Variants in WDR70 observed in about 807,000 individuals in gnomAD.
WDR70 encodes WD repeat-containing protein 70.
WDR70 carries 53 observed loss-of-function variants against 88.6 expected under a neutral mutation model. The observed-to-expected ratio is 0.60, with a 90% CI of 0.48 to 0.75. The LOEUF is 0.75. WDR70 is among the 30% of genes least tolerant of loss of function. WDR70 has a pLI of 0.00. For missense variants in WDR70, 610 were observed against 823.2 expected (o/e 0.74, Z 3.17); for synonymous variants, 280 against 270.0 (o/e 1.04, Z -0.36).
At chr5:37,699,453 A>G (rs1388324998) in intron 11 of WDR70, among the ~76,000 whole-genome samples, 1 of 150,670 alleles carries the variant, frequency 6.6e-6, no homozygotes, top group Non-Finnish European at 1.5e-5. Flanking sequence ...TAATTGGTCA[A>G]TACCACATGT....
At chr5:37,719,620 C>T (rs1004344981) in intron 13 of WDR70, among the ~76,000 whole-genome samples, 1 of 152,076 alleles carries the variant, frequency 6.6e-6, no homozygotes, top group African/African-American at 2.4e-5. Context: ...CATTCCTCTT[C>T]AGTGGTACAT....
At chr5:37,402,944 G>GTGTTT in intron 5 of WDR70, among the ~76,000 whole-genome samples, 1 of 84,380 alleles carries the variant, frequency 1.2e-5, no homozygotes, top group Admixed American at 1.8e-4. Context: ...CCCTCCCTCC[G>GTGTTT]TTTTTTTTTT....
In WDR70 at chr5:37,702,821, A is replaced by G. The variant is rs937043965; in HGVS notation, c.1278-128A>G. 84 of 870,388 alleles carry G rather than the reference A, an allele frequency of 9.7e-5. No individual in the cohort carries two copies. In the East Asian group the frequency reaches 1.1e-3, roughly 11 times the overall value. The allele number at this position is 870,388 out of a possible 1,614,324, so 53.9% of individuals were successfully genotyped here. ...TATTGTGACGATTAAACAAATTAATATAAGTGCTTGACTCATAAGCCCTAT... is the reference window on the plus strand; with the variant it reads ...TATTGTGACGATTAAACAAATTAATGTAAGTGCTTGACTCATAAGCCCTAT... On this transcript the variant is annotated intron_variant, in intron 12 of 17. Transcript: ENST00000265107.
chr5:37,398,344 T>TCC (rs1484124761), intron 5 of WDR70, among the ~76,000 whole-genome samples: 1 of 151,328 alleles, frequency 6.6e-6, no homozygotes. Flanking sequence ...CGCCTCGGCC[T>TCC]CCCAAAGTGC....
chr5:37,709,857 T>C (rs1007565455), intron 13 of WDR70, among the ~76,000 whole-genome samples: 1 of 152,164 alleles, frequency 6.6e-6, no homozygotes, highest in African/African-American at 2.4e-5. Flanking sequence ...TAAATCTTTT[T>C]GGGGAATTTC....
At chr5:37,703,318 TGGG>T (rs1180212737) in intron 13 of WDR70, among the ~76,000 whole-genome samples, 1 of 152,184 alleles carries the variant, frequency 6.6e-6, no homozygotes, top group African/African-American at 2.4e-5. Flanking sequence ...GAATTTCAGC[TGGG>T]TTTCCCTCTC....
At chr5:37,527,663 A>G (rs1478868063) in intron 9 of WDR70, among the ~76,000 whole-genome samples, 1 of 152,244 alleles carries the variant, frequency 6.6e-6, no homozygotes, top group Non-Finnish European at 1.5e-5. Flanking sequence ...GCTTCTGCAC[A>G]GCAAAAGAAA....
intron 7 of WDR70, among the ~76,000 whole-genome samples, chr5:37,459,110 G>GCCGCATATCTACAACTATCTGA (rs1435352230): frequency 3.3e-4 from 20 of 60,678 alleles, no homozygotes; most frequent in South Asian, 6.8e-4. Context: ...GGAGCAGGTT[G>GCCGCATATCTACAACTATCTGA]TTCAGTTTCC....
At chr5:37,694,491 A>G (rs1004651365) in intron 10 of WDR70, among the ~76,000 whole-genome samples, 1 of 152,238 alleles carries the variant, frequency 6.6e-6, no homozygotes. Flanking sequence ...AATGTGGCAC[A>G]TATACACCAT....
chr5:37,380,500 G>A (rs1313214849), intron 2 of WDR70, among the ~76,000 whole-genome samples: 1 of 151,816 alleles, frequency 6.6e-6, no homozygotes, highest in Non-Finnish European at 1.5e-5. Flanking sequence ...CACCTCGCCC[G>A]GCTGATTTTT....
chr5:37,495,442 ATCTCTCTCTC>A (rs139533160), intron 8 of WDR70, among the ~76,000 whole-genome samples: 1 of 148,216 alleles, frequency 6.7e-6, no homozygotes, highest in African/African-American at 2.5e-5. Context: ...ATTATCAGCA[ATCTCTCTCTC>A]TCTCTCTCTC....
chr5:37,638,098 C>G (rs887192654), intron 10 of WDR70, among the ~76,000 whole-genome samples: 1 of 152,158 alleles, frequency 6.6e-6, no homozygotes, highest in African/African-American at 2.4e-5. Context: ...ATTATATAGC[C>G]TCTCCAGCAA....
At chr5:37,537,514 A>C (rs1741700267) in intron 9 of WDR70, among the ~76,000 whole-genome samples, 1 of 152,220 alleles carries the variant, frequency 6.6e-6, no homozygotes, top group Non-Finnish European at 1.5e-5. Flanking sequence ...TAGGAGGAGT[A>C]CATATATTAT....
intron 10 of WDR70, among the ~76,000 whole-genome samples, chr5:37,675,697 G>A (rs370930001): frequency 4.6e-5 from 7 of 152,230 alleles, no homozygotes; most frequent in East Asian, 3.9e-4. Flanking sequence ...TTTTGGCTTC[G>A]GATTGCCTTG....
intron 8 of WDR70, among the ~76,000 whole-genome samples, chr5:37,482,082 TA>T (rs1739688469): frequency 6.6e-6 from 1 of 152,200 alleles, no homozygotes; most frequent in Non-Finnish European, 1.5e-5. Context: ...TTATTGTCCA[TA>T]TCACTATTAA....
chr5:37,633,986 T>C (rs1744890158), intron 10 of WDR70, among the ~76,000 whole-genome samples: 1 of 151,852 alleles, frequency 6.6e-6, no homozygotes, highest in Admixed American at 6.6e-5. Flanking sequence ...TACAGGAGAG[T>C]ATTTTTCAAT....
At position 37,602,579 on chromosome 5, in the gene WDR70, T is replaced by C. The variant is rs1046711048; in HGVS notation, c.918-2485T>C. Reference sequence around the variant, plus strand: ...AGGCGGAGGCTGCAGTCAGTGGAGATTGTGCCACTACACTCCAGCTTGGGT... The same window carrying C: ...AGGCGGAGGCTGCAGTCAGTGGAGACTGTGCCACTACACTCCAGCTTGGGT... On this transcript the variant is annotated intron_variant, in intron 9 of 17. Coordinates refer to ENST00000265107, the MANE Select transcript of WDR70 (RefSeq NM_018034.4). 7.3e-5 allele frequency among the ~76,000 whole-genome samples: 11 copies of C among 151,126 alleles called. No homozygotes were observed. The South Asian group carries it at 8.3e-4, about 11-fold the overall frequency.
chr5:37,432,276 T>C (rs1581273501), intron 5 of WDR70, among the ~76,000 whole-genome samples: 2 of 151,786 alleles, frequency 1.3e-5, no homozygotes, highest in South Asian at 4.1e-4. Context: ...TGATATTTCA[T>C]TGTGCTTTTA....
intron 9 of WDR70, among the ~76,000 whole-genome samples, chr5:37,590,779 G>A (rs10941348): frequency 0.46 from 70,536 of 151,874 alleles, 17,998 homozygotes; most frequent in Non-Finnish European, 0.58. Context: ...AGGAAGTGTG[G>A]CCCTGCAGAT....
Sources: allele counts gnomAD v4.1 joint callset (sites outside exome capture counted in the v4.1 genomes callset), GRCh38; gene constraint gnomAD v4.1.1; transcripts MANE v1.5; gene names NCBI Gene and HGNC (gene_info 2026-07-23, HGNC 2026-07-21).